Variants in EFNA2 observed in about 807,000 individuals in gnomAD.
EFNA2 encodes ephrin-A2.
In EFNA2, 18 loss-of-function variants were observed where a neutral mutation model predicts 19.7. The ratio of observed to expected loss-of-function variants is 0.91; its 90% CI spans 0.63 to 1.35. The LOEUF (loss-of-function observed/expected upper bound fraction) is 1.35. Among genes scored for constraint, EFNA2 ranks in the 40% most tolerant of loss-of-function variants. The probability of loss-of-function intolerance (pLI) is 0.00; values close to 1 mark genes in which losing one functional copy is unlikely to be tolerated. For missense variants in EFNA2, 303 were observed against 296.0 expected (o/e 1.02, Z -0.17); for synonymous variants, 187 against 137.8 (o/e 1.36, Z -2.50).
Position 1,300,168 on chromosome 19 carries a change from GC to G in EFNA2, c.*225del. 1.8e-6 allele frequency: 1 copy of G among 551,320 alleles called. No individual in the cohort carries two copies. Among genetic ancestry groups the G allele is most frequent in the East Asian group, 3.6e-5 (1 of 27,954 alleles). The allele number at this position is 551,320 out of a possible 1,614,324, so 34.2% of individuals were successfully genotyped here. On this transcript the variant is annotated 3_prime_UTR_variant, in exon 4 of 4. Transcript: ENST00000215368. Reference sequence around the variant, plus strand: ...GAGCCCCCCCCCGGAGGCCCGAGGGGCCGGGGTGTGGATGCGGACCGTGGCC... The same window carrying G: ...GAGCCCCCCCCCGGAGGCCCGAGGGGCGGGGTGTGGATGCGGACCGTGGCC...
In EFNA2 at chr19:1,298,622, T is replaced by G; in HGVS notation, c.520+6T>G. ...GGTGTACGTGCGGCCGACCAGTAAG[T>G]GCTCAGGGGGATGGGCAGGATCCAG... On this transcript the variant is annotated splice_donor_region_variant and intron_variant, in intron 3 of 3. Coordinates refer to ENST00000215368, the MANE Select transcript of EFNA2 (RefSeq NM_001405.4). The G allele has an allele frequency of 6.2e-7, 1 of 1,613,722 alleles. No individual in the cohort carries two copies. Among genetic ancestry groups the G allele is most frequent in the Non-Finnish European group, 8.5e-7 (1 of 1,179,890 alleles).
chr19:1,288,105 G>A (rs1399611758), intron 1 of EFNA2, among the ~76,000 whole-genome samples: 2 of 152,252 alleles, frequency 1.3e-5, no homozygotes, highest in Non-Finnish European at 2.9e-5. Flanking sequence ...GGGCAGCACC[G>A]AGGCTGCCTC....
chr19:1,290,661 G>A (rs537676798), intron 1 of EFNA2, among the ~76,000 whole-genome samples: 5 of 152,254 alleles, frequency 3.3e-5, no homozygotes, highest in African/African-American at 1.2e-4. Flanking sequence ...CCCAGGAACC[G>A]GGATGCAGCC....
At position 1,297,040 on chromosome 19, in the gene EFNA2, GC is replaced by G. The variant is rs1346383020; in HGVS notation, c.454+1184del. Reference sequence around the variant, plus strand: ...TGTGACCTTGGCGGGGGAATGAGGGGCCAGGCACTGCCCACCTGAGATGGGG... The same window carrying G: ...TGTGACCTTGGCGGGGGAATGAGGGGCAGGCACTGCCCACCTGAGATGGGG... On this transcript the variant is annotated intron_variant, in intron 2 of 3. Coordinates refer to ENST00000215368, the MANE Select transcript of EFNA2 (RefSeq NM_001405.4). The surrounding 1 kb of genome is among the most constrained non-coding windows in gnomAD (Gnocchi z 5.0). Among the ~76,000 whole-genome samples, 1 of 152,254 alleles carries G rather than the reference GC, an allele frequency of 6.6e-6. No homozygotes were observed. Among genetic ancestry groups the G allele is most frequent in the Non-Finnish European group, 1.5e-5 (1 of 68,046 alleles).
Position 1,299,980 on chromosome 19 carries a change from G to C in EFNA2, c.*35G>C, listed in dbSNP as rs536663249. On this transcript the variant is annotated 3_prime_UTR_variant, in exon 4 of 4. Coordinates refer to ENST00000215368, the MANE Select transcript of EFNA2 (RefSeq NM_001405.4). ...CGCAGGACGCCGACCCTGCCTGGAC[G>C]GCCCCGCCTGGACCGCCTGACCTCG... 1.3e-6 allele frequency: 2 copies of C among 1,556,522 alleles called. No homozygotes were observed. Among genetic ancestry groups the C allele is most frequent in the African/African-American group, 1.4e-5 (1 of 73,440 alleles).
Position 1,295,735 on chromosome 19 carries a change from C to A in EFNA2, c.331C>A (p.Arg111Ser). Residue 111 changes from arginine (R) to serine (S), a missense_variant, in exon 2 of 4, where the codon CGC becomes AGC. Arg to Ser is a moderately radical substitution (Grantham distance 110). Transcript: ENST00000215368. The surrounding 1 kb of genome is among the most constrained non-coding windows in gnomAD (Gnocchi z 5.8). ...CGACCACCGCCAGCGCGGCTTCAAG[C>A]GCTGGGAGTGCAACCGGCCCGCGGC... ...SCDHRQRGFK[R>S]WECNRPAAPG... 6.2e-7 allele frequency: 1 copy of A among 1,608,100 alleles called. No individual in the cohort carries two copies. The highest frequency in any genetic ancestry group is 8.5e-7 in the Non-Finnish European group (1 of 1,177,860).
rs911668848 is a variant in EFNA2, at chr19:1,287,359, T to C, written c.140+1051T>C. On this transcript the variant is annotated intron_variant, in intron 1 of 3. Coordinates refer to ENST00000215368, the MANE Select transcript of EFNA2 (RefSeq NM_001405.4). This position sits in a 1 kb window ranked among gnomAD's most constrained non-coding sequence, Gnocchi z 6.2. ...ACCGTCTTCCTAAGGCACACGGAGC[T>C]GCACATCGGGGGCTGAGGCGGCCCC... 3.9e-5 allele frequency among the ~76,000 whole-genome samples: 6 copies of C among 151,984 alleles called. No homozygotes were observed. Among genetic ancestry groups the C allele is most frequent in the African/African-American group, 1.5e-4 (6 of 41,366 alleles).
chr19:1,299,867 T>C lies in EFNA2; in HGVS notation c.564T>C (p.Asn188=). Residue 188 remains asparagine (N), a synonymous_variant, in exon 4 of 4, where the codon AAT becomes AAC. Coordinates refer to ENST00000215368, the MANE Select transcript of EFNA2 (RefSeq NM_001405.4). ...CTCCTGAGCCCATCTTCACCAGCAATAACTCGTGTAGCAGCCCGGGCGGCT... is the reference window on the plus strand; with the variant it reads ...CTCCTGAGCCCATCTTCACCAGCAACAACTCGTGTAGCAGCCCGGGCGGCT... ...YEAPEPIFTS[N]NSCSSPGGCR... 6.2e-7 allele frequency: 1 copy of C among 1,605,098 alleles called. No individual in the cohort carries two copies. The highest frequency in any genetic ancestry group is 8.5e-7 in the Non-Finnish European group (1 of 1,178,148).
At chr19:1,289,044 G>A (rs2081479448) in intron 1 of EFNA2, among the ~76,000 whole-genome samples, 1 of 152,264 alleles carries the variant, frequency 6.6e-6, no homozygotes, top group Non-Finnish European at 1.5e-5. Context: ...GCTCATGTGT[G>A]TTTGCGTGCA....
At position 1,296,292 on chromosome 19, in the gene EFNA2, C is replaced by T. The variant is rs1006641833; in HGVS notation, c.454+434C>T. 2.6e-5 allele frequency among the ~76,000 whole-genome samples: 4 copies of T among 152,158 alleles called. No homozygotes were observed. Among genetic ancestry groups the T allele is most frequent in the African/African-American group, 4.8e-5 (2 of 41,426 alleles). ...TGGGCCAGTAGACCTGGCTCAGCCC[C>T]CCGATAGCGAGACCAGGGTGCCCGA... On this transcript the variant is annotated intron_variant, in intron 2 of 3. Coordinates refer to ENST00000215368, the MANE Select transcript of EFNA2 (RefSeq NM_001405.4). This position sits in a 1 kb window ranked among gnomAD's most constrained non-coding sequence, Gnocchi z 4.4.
Position 1,300,148 on chromosome 19 carries a change from C to G in EFNA2, c.*203C>G, listed in dbSNP as rs991014589. 1.0e-5 allele frequency: 7 copies of G among 687,628 alleles called. No homozygotes were observed. The highest frequency in any genetic ancestry group is 9.6e-5 in the South Asian group (4 of 41,600). 42.6% of individuals were successfully genotyped at this position (687,628 alleles called of 1,614,324 possible). On this transcript the variant is annotated 3_prime_UTR_variant, in exon 4 of 4. Coordinates refer to ENST00000215368, the MANE Select transcript of EFNA2 (RefSeq NM_001405.4). ...CAGGGAGGGGAAACGGCCGAGAGCC[C>G]CCCCCCGGAGGCCCGAGGGGCCGGG...
In EFNA2 at chr19:1,295,470, GC is replaced by G; in HGVS notation, c.141-72del. 7.2e-7 allele frequency: 1 copy of G among 1,396,264 alleles called. No individual in the cohort carries two copies. Among genetic ancestry groups the G allele is most frequent in the South Asian group, 1.5e-5 (1 of 67,640 alleles). The allele number at this position is 1,396,264 out of a possible 1,614,324, so 86.5% of individuals were successfully genotyped here. ...CTCGTGCTCCTGTCCCCTGACCCTG[GC>G]CCTCCCCGCGCACCCCGACCCGTGC... On this transcript the variant is annotated intron_variant, in intron 1 of 3. Transcript: ENST00000215368. This position sits in a 1 kb window ranked among gnomAD's most constrained non-coding sequence, Gnocchi z 5.8.
Position 1,298,571 on chromosome 19 carries a change from G to A in EFNA2, c.475G>A (p.Val159Met), listed in dbSNP as rs1358943390. ...TCTAGCTGCCACGCCTCCCAATGCT[G>A]TGGACCGGCCCTGCCTGCGACTGAA... ...YYISATPPNA[V>M]DRPCLRLKVY... Residue 159 changes from valine to methionine, a missense_variant, in exon 3 of 4, where the codon GTG (valine) becomes ATG (methionine). Transcript: ENST00000215368. 1.2e-6 allele frequency: 2 copies of A among 1,613,924 alleles called. No homozygotes were observed. The highest frequency in any genetic ancestry group is 1.7e-5 in the Admixed American group (1 of 59,986).
Position 1,295,148 on chromosome 19 carries a change from G to C in EFNA2, c.141-397G>C, listed in dbSNP as rs771720023. On this transcript the variant is annotated intron_variant, in intron 1 of 3. Transcript: ENST00000215368. This position sits in a 1 kb window ranked among gnomAD's most constrained non-coding sequence, Gnocchi z 5.8. The stretch of plus-strand genomic sequence containing the variant: ...CAACCTTGGAAGCCCGCCGTGATTG[G>C]GGTGTGCAACCCCACCTGCTGACCG... Among the ~76,000 whole-genome samples the C allele has an allele frequency of 1.1e-4, 17 of 152,086 alleles. No homozygotes were observed. The highest frequency in any genetic ancestry group is 4.1e-4 in the South Asian group (2 of 4,834).
Position 1,295,877 on chromosome 19 carries a change from G to A in EFNA2, c.454+19G>A, listed in dbSNP as rs755064285. 4.5e-6 allele frequency: 7 copies of A among 1,558,882 alleles called. No homozygotes were observed. In the South Asian group the frequency reaches 6.0e-5, roughly 13 times the overall value. Reference sequence around the variant, plus strand: ...TACATCTGTGAGTGGGGTCGGGCCGGGGCTGCCGGGGCCCGAGTGGGCGGG... The same window carrying A: ...TACATCTGTGAGTGGGGTCGGGCCGAGGCTGCCGGGGCCCGAGTGGGCGGG... On this transcript the variant is annotated intron_variant, in intron 2 of 3. Coordinates refer to ENST00000215368, the MANE Select transcript of EFNA2 (RefSeq NM_001405.4). The surrounding 1 kb of genome is among the most constrained non-coding windows in gnomAD (Gnocchi z 5.8).
rs1280873752 is a variant in EFNA2 at position 1,286,697 on chromosome 19, C to T, written c.140+389C>T. 2.6e-5 allele frequency among the ~76,000 whole-genome samples: 4 copies of T among 152,180 alleles called. No individual in the cohort carries two copies. Among genetic ancestry groups the T allele is most frequent in the Non-Finnish European group, 4.4e-5 (3 of 68,026 alleles). Reference sequence around the variant, plus strand: ...TCTCTGGGGAGCCCCCTCGGTTTCGCATTTGGTGGGGATCCCCGGGGACCT... The same window carrying T: ...TCTCTGGGGAGCCCCCTCGGTTTCGTATTTGGTGGGGATCCCCGGGGACCT... On this transcript the variant is annotated intron_variant, in intron 1 of 3. Coordinates refer to ENST00000215368, the MANE Select transcript of EFNA2 (RefSeq NM_001405.4). The surrounding 1 kb of genome is among the most constrained non-coding windows in gnomAD (Gnocchi z 5.6).
At position 1,295,582 on chromosome 19, in the gene EFNA2, AC is replaced by A. The variant is rs2081510286; in HGVS notation, c.179del (p.Thr60ArgfsTer4). 3 of 1,606,998 alleles carry A rather than the reference AC, an allele frequency of 1.9e-6. No homozygotes were observed. The African/African-American group carries it at 4.0e-5, about 22-fold the overall frequency. On this transcript the variant is annotated frameshift_variant, in exon 2 of 4. Coordinates refer to ENST00000215368, the MANE Select transcript of EFNA2 (RefSeq NM_001405.4). LOFTEE classifies it high-confidence loss of function. This position sits in a 1 kb window ranked among gnomAD's most constrained non-coding sequence, Gnocchi z 5.8. ...CGCGGGGGACGACGGCGGGGGCTAC[AC>A]GGTGGAGGTGAGCATCAATGACTAC... ...AGAGDDGGGYTVEVSINDYLD... is the reference protein window; with the variant it reads ...AGAGDDGGGYXVEVSINDYLD...
In EFNA2 at chr19:1,297,846, T is replaced by C. The variant is rs1004763890; in HGVS notation, c.455-705T>C. Among the ~76,000 whole-genome samples, 1 of 151,270 alleles carries C rather than the reference T, an allele frequency of 6.6e-6. No homozygotes were observed. The highest frequency in any genetic ancestry group is 1.5e-5 in the Non-Finnish European group (1 of 67,750). ...CAGCACTTTGGGAGGCCGAGGCGGG[T>C]GGATCACCTGAGGTCAGGAGTTCAA... On this transcript the variant is annotated intron_variant, in intron 2 of 3. Transcript: ENST00000215368. This position sits in a 1 kb window ranked among gnomAD's most constrained non-coding sequence, Gnocchi z 5.0.
Position 1,287,364 on chromosome 19 carries a change from A to G in EFNA2, c.140+1056A>G, listed in dbSNP as rs1252711470. Among the ~76,000 whole-genome samples, 1 of 152,100 alleles carries G rather than the reference A, an allele frequency of 6.6e-6. No individual in the cohort carries two copies. The highest frequency in any genetic ancestry group is 1.9e-4 in the East Asian group (1 of 5,164). On this transcript the variant is annotated intron_variant, in intron 1 of 3. Coordinates refer to ENST00000215368, the MANE Select transcript of EFNA2 (RefSeq NM_001405.4). The surrounding 1 kb of genome is among the most constrained non-coding windows in gnomAD (Gnocchi z 6.2). ...CTTCCTAAGGCACACGGAGCTGCAC[A>G]TCGGGGGCTGAGGCGGCCCCCCCCC...
Sources: allele counts gnomAD v4.1 joint callset (sites outside exome capture counted in the v4.1 genomes callset), GRCh38; gene constraint gnomAD v4.1.1; non-coding constraint Gnocchi (gnomAD v3.1); transcripts MANE v1.5; gene names NCBI Gene and HGNC (gene_info 2026-07-23, HGNC 2026-07-21).